MED13: variants seen among roughly 807,000 people sequenced by gnomAD.
MED13 encodes mediator of RNA polymerase II transcription subunit 13.
MED13 carries 23 observed loss-of-function variants against 225.2 expected under a neutral mutation model. The ratio of observed to expected loss-of-function variants is 0.10; its 90% CI spans 0.07 to 0.14. MED13 has a LOEUF of 0.14. MED13 is among the 10% of genes least tolerant of loss of function. The pLI is 1.00. For synonymous variants in MED13, 942 were observed against 889.2 expected, an observed-to-expected ratio of 1.06 and a Z score of -1.06; for missense variants, 2,197 against 2,594.5, an observed-to-expected ratio of 0.85 and a Z score of 3.33.
At chr17:62,063,436 A>T (rs959496832) in intron 1 of MED13, 135 bp from the exon 2 acceptor site, 3 of 575,948 alleles carry the variant, frequency 5.2e-6, no homozygotes, top group Non-Finnish European at 9.0e-6. Flanking sequence ...GCAAATTAGA[A>T]CAAAAAAAGA....
intron 26 of MED13, among the ~76,000 whole-genome samples, chr17:61,954,285 CTTTAT>C (rs1388836665): frequency 1.3e-5 from 2 of 152,138 alleles, no homozygotes; most frequent in Non-Finnish European, 2.9e-5. Flanking sequence ...ATAAAATCTT[CTTTAT>C]TTTCTCTTCT....
In MED13 at chr17:61,960,917, T is replaced by G; in HGVS notation, c.5430A>C (p.Leu1810=). Residue 1810 remains leucine (L), a synonymous_variant, in exon 23 of 30, where the codon CTA becomes CTC. Coordinates refer to ENST00000397786, the MANE Select transcript of MED13 (RefSeq NM_005121.3). ...QRWILASCTD[L]YGELLETCII... Reference sequence around the variant, plus strand: ...TACAAGTTTCTAAAAGTTCTCCATATAGATCTGTGCAAGATGCAAGAATCC... The same window carrying G: ...TACAAGTTTCTAAAAGTTCTCCATAGAGATCTGTGCAAGATGCAAGAATCC... 1 of 1,613,716 alleles carries G rather than the reference T, an allele frequency of 6.2e-7. No individual in the cohort carries two copies. The highest frequency in any genetic ancestry group is 8.5e-7 in the Non-Finnish European group (1 of 1,179,894).
At chr17:61,979,105 T>C (rs1424785836) in intron 16 of MED13, among the ~76,000 whole-genome samples, 2 of 152,214 alleles carry the variant, frequency 1.3e-5, no homozygotes, top group African/African-American at 2.4e-5. Flanking sequence ...GTTGTGCTTG[T>C]TTCAAAACTT....
Position 61,984,762 on chromosome 17 carries a change from C to T in MED13, c.2580G>A (p.Met860Ile). The T allele has an allele frequency of 6.2e-7, 1 of 1,613,166 alleles. No individual in the cohort carries two copies. The highest frequency in any genetic ancestry group is 8.5e-7 in the Non-Finnish European group (1 of 1,179,174). ...MNMNNKEYGS[M>I]DTTPGGTVLE... ...GAACAGTTCCTCCAGGTGTTGTATC[C>T]ATACTACCATATTCTTTATTATTCA... The change falls in exon 14 of 30, where the codon ATG (methionine) becomes ATA (isoleucine). Residue 860 changes from methionine to isoleucine, a missense_variant. Met to Ile is a conservative substitution (Grantham distance 10). Around this residue, in one of 12 missense-constraint regions of MED13, gnomAD observed 160 missense variants for 184.8 expected, o/e 0.87. Coordinates refer to ENST00000397786, the MANE Select transcript of MED13 (RefSeq NM_005121.3).
At chr17:62,037,690 G>C (rs1367979866) in intron 3 of MED13, among the ~76,000 whole-genome samples, 3 of 134,160 alleles carry the variant, frequency 2.2e-5, no homozygotes, top group Admixed American at 7.5e-5. Context: ...AAAAGACAAA[G>C]AGGCCTGTAA....
chr17:61,947,883 TG>T (rs2079864033), intron 28 of MED13, among the ~76,000 whole-genome samples: 1 of 152,206 alleles, frequency 6.6e-6, no homozygotes, highest in African/African-American at 2.4e-5. Flanking sequence ...CAGTAACTCT[TG>T]GTAGATCTCA....
chr17:62,035,711 G>T, intron 3 of MED13, 103 bp from the exon 4 acceptor site: 2 of 1,172,696 alleles, frequency 1.7e-6, no homozygotes, highest in Non-Finnish European at 1.2e-6. Flanking sequence ...ACCCTATTTT[G>T]CCCAAAAATT....
At chr17:62,051,232 C>G (rs1390803299) in intron 3 of MED13, among the ~76,000 whole-genome samples, 1 of 152,162 alleles carries the variant, frequency 6.6e-6, no homozygotes, top group African/African-American at 2.4e-5. Context: ...TACTTTCTGA[C>G]TCAGGTGCCA....
intron 8 of MED13, among the ~76,000 whole-genome samples, chr17:62,021,755 T>C (rs2080649925): frequency 6.6e-6 from 1 of 152,082 alleles, no homozygotes; most frequent in South Asian, 2.1e-4. Flanking sequence ...GTAAAATCGG[T>C]AGAACCTTTT....
At chr17:62,013,160 A>C (rs1426223696) in intron 8 of MED13, among the ~76,000 whole-genome samples, 2 of 152,020 alleles carry the variant, frequency 1.3e-5, no homozygotes, top group East Asian at 3.9e-4. Flanking sequence ...CAAAGTTATC[A>C]AAAAAAACCA....
intron 8 of MED13, among the ~76,000 whole-genome samples, chr17:62,014,857 A>C (rs2080547701): frequency 6.6e-6 from 1 of 152,246 alleles, no homozygotes; most frequent in African/African-American, 2.4e-5. Context: ...CTGTAAATTT[A>C]AATAGCCAAT....
intron 19 of MED13, 106 bp downstream of exon 19, chr17:61,966,356 A>C (rs944359995): frequency 6.8e-6 from 6 of 887,310 alleles, no homozygotes; most frequent in Non-Finnish European, 1.0e-5. Flanking sequence ...AAAATACATA[A>C]ATGAGGATGG....
At position 61,983,103 on chromosome 17, in the gene MED13, T is replaced by C. The variant is rs1377876622; in HGVS notation, c.2900A>G (p.Asn967Ser). The C allele has an allele frequency of 1.9e-6, 3 of 1,603,616 alleles. No homozygotes were observed. The highest frequency in any genetic ancestry group is 2.6e-6 in the Non-Finnish European group (3 of 1,173,868). ...MPFIKEGDGS[N>S]MDQEYGTAYT... ...AGCAGTGCCATATTCTTGATCCATA[T>C]TACTTCCATCACTATCATCACCAGG... Residue 967 changes from asparagine to serine, a missense_variant, in exon 16 of 30, where the codon AAT (asparagine) becomes AGT (serine). Around this residue, in one of 12 missense-constraint regions of MED13, gnomAD observed 160 missense variants for 184.8 expected, o/e 0.87. Coordinates refer to ENST00000397786, the MANE Select transcript of MED13 (RefSeq NM_005121.3).
Position 62,052,631 on chromosome 17 carries a change from G to T in MED13, c.376C>A (p.Leu126Ile). ...RTLLFKAVHN[L>I]LERCLMNRNF... ...CTGTTCATTAAACACCGTTCCAATA[G>T]ATTGTGAACTGCTTTGAAAAGCAGA... The change falls in exon 3 of 30, where the codon CTA (leucine) becomes ATA (isoleucine). Residue 126 changes from leucine to isoleucine, a missense_variant. Leu to Ile is a conservative substitution (Grantham distance 5). Transcript: ENST00000397786. 1 of 1,603,502 alleles carries T rather than the reference G, an allele frequency of 6.2e-7. No individual in the cohort carries two copies. Among genetic ancestry groups the T allele is most frequent in the Non-Finnish European group, 8.5e-7 (1 of 1,173,880 alleles).
chr17:61,958,587 T>C (rs990623506), intron 23 of MED13, among the ~76,000 whole-genome samples: 13 of 152,126 alleles, frequency 8.5e-5, no homozygotes, highest in Admixed American at 7.9e-4. Flanking sequence ...CCTGCCCACC[T>C]TGGCCTCCCA....
At chr17:62,054,458 A>G (rs1488231323) in intron 2 of MED13, among the ~76,000 whole-genome samples, 1 of 152,230 alleles carries the variant, frequency 6.6e-6, no homozygotes, top group African/African-American at 2.4e-5. Flanking sequence ...TATTATATCA[A>G]AGACACCGTT....
chr17:62,062,602 A>C (rs574578986), intron 2 of MED13, among the ~76,000 whole-genome samples: 165 of 25,068 alleles, frequency 6.6e-3, no homozygotes, highest in African/African-American at 0.026. Flanking sequence ...CACACACACC[A>C]CACACACACA....
intron 8 of MED13, among the ~76,000 whole-genome samples, chr17:62,025,012 T>C (rs1240731960): frequency 1.3e-5 from 2 of 152,262 alleles, no homozygotes; most frequent in Admixed American, 6.5e-5. Flanking sequence ...TGTGTCTTTA[T>C]GACAGAATGT....
intron 8 of MED13, among the ~76,000 whole-genome samples, chr17:62,013,906 G>T (rs2080535693): frequency 2.6e-5 from 4 of 151,932 alleles, no homozygotes; most frequent in Non-Finnish European, 5.9e-5. Context: ...GGGCGTGGTG[G>T]TGGGCACCTG....
Sources: allele counts gnomAD v4.1 joint callset (sites outside exome capture counted in the v4.1 genomes callset), GRCh38; gene constraint gnomAD v4.1.1; regional missense constraint gnomAD v4.1.1; transcripts MANE v1.5; gene names NCBI Gene and HGNC (gene_info 2026-07-23, HGNC 2026-07-21).